Variants in CFAP68 observed in about 807,000 individuals in gnomAD.
The protein encoded by CFAP68 is cilia and flagella associated protein 68.
the CFAP68 span, chr11:111,881,165 C>T: frequency 6.3e-5 from 78 of 1,235,218 alleles, no homozygotes; most frequent in Admixed American, 2.4e-4. Context: ...AAGCCCCAGG[C>T]TTCTGGCTTG....
At chr11:111,880,717 C>T in the CFAP68 span, 1 of 454,614 alleles carries the variant, frequency 2.2e-6, no homozygotes, top group East Asian at 7.0e-5. Context: ...TTCTTTATTC[C>T]TTTACTTTCT....
the CFAP68 span, chr11:111,884,344 C>A: frequency 0.27 from 41,225 of 154,544 alleles, 5,719 homozygotes; most frequent in Admixed American, 0.34. Flanking sequence ...CATGGTGGCT[C>A]ACGCCTGTAA....
chr11:111,881,763 G>C, the CFAP68 span: 2 of 979,814 alleles, frequency 2.0e-6, no homozygotes, highest in Non-Finnish European at 2.9e-6. Context: ...AGAAGGACAG[G>C]GTACAATAAT....
the CFAP68 span, chr11:111,885,363 G>A: frequency 1.3e-5 from 2 of 151,940 alleles, no homozygotes; most frequent in Non-Finnish European, 2.9e-5. Context: ...AAAAGATAAG[G>A]ACTGTCAATT....
chr11:111,880,838 G>A, the CFAP68 span: 1 of 455,900 alleles, frequency 2.2e-6, no homozygotes, highest in South Asian at 1.6e-5. Flanking sequence ...TTGGTTCTCT[G>A]TTCTGTTGTA....
chr11:111,884,300 A>G, the CFAP68 span: 1 of 158,486 alleles, frequency 6.3e-6, no homozygotes, highest in Non-Finnish European at 1.4e-5. Context: ...ATGGTGAAAC[A>G]CTGTCTCTAC....
chr11:111,882,578 C>T, the CFAP68 span: 3 of 1,584,348 alleles, frequency 1.9e-6, no homozygotes, highest in Non-Finnish European at 2.6e-6. Flanking sequence ...TATCGTGCAG[C>T]CCAAACCCTT....
chr11:111,879,693 T>C, the CFAP68 span: 27 of 1,426,754 alleles, frequency 1.9e-5, no homozygotes, highest in African/African-American at 1.3e-4. Flanking sequence ...GGTTACGATA[T>C]GTGGATGAAC....
At chr11:111,885,151 CAA>C in the CFAP68 span, 4 of 100,160 alleles carry the variant, frequency 4.0e-5, no homozygotes, top group Non-Finnish European at 4.1e-5. Context: ...AACTCCGTCT[CAA>C]AAAAAAAAAA....
At chr11:111,885,161 AAAGAAAAG>A in the CFAP68 span, 208 of 150,996 alleles carry the variant, frequency 1.4e-3, no homozygotes, top group African/African-American at 4.8e-3. Flanking sequence ...CAAAAAAAAA[AAAGAAAAG>A]AAAAAGAAAA....
the CFAP68 span, among the ~76,000 whole-genome samples, chr11:111,882,948 G>A: frequency 6.6e-6 from 1 of 152,154 alleles, no homozygotes; most frequent in East Asian, 1.9e-4. Flanking sequence ...TCTGAGTCTT[G>A]CACTTAAATC....
chr11:111,883,827 C>A, the CFAP68 span: 2 of 1,613,610 alleles, frequency 1.2e-6, no homozygotes, highest in Admixed American at 3.3e-5. Context: ...GGATCCTCCC[C>A]GATACAAATG....
the CFAP68 span, chr11:111,879,542 T>C: frequency 6.2e-7 from 1 of 1,609,230 alleles, no homozygotes; most frequent in African/African-American, 1.4e-5. Flanking sequence ...GTTTTGAACC[T>C]TTTTTCACCT....
chr11:111,883,118 G>A, the CFAP68 span: 3 of 1,539,760 alleles, frequency 1.9e-6, no homozygotes, highest in African/African-American at 1.4e-5. Context: ...TTCTTAATCT[G>A]TTAATTTTTC....
the CFAP68 span, chr11:111,882,237 C>T: frequency 2.8e-6 from 2 of 725,488 alleles, no homozygotes; most frequent in South Asian, 3.9e-5. Flanking sequence ...GAAACAGAAC[C>T]ATAACATAGC....
chr11:111,883,672 C>G, the CFAP68 span: 2 of 795,576 alleles, frequency 2.5e-6, no homozygotes, highest in Non-Finnish European at 4.2e-6. Context: ...ACAGGACTTA[C>G]TGTCTATTCC....
At chr11:111,881,600 CTCT>C in the CFAP68 span, 5 of 1,534,844 alleles carry the variant, frequency 3.3e-6, no homozygotes, top group East Asian at 2.4e-5. Context: ...CATCAAGTTA[CTCT>C]TCTTCAGGAA....
chr11:111,880,771 C>T, the CFAP68 span: 90 of 456,214 alleles, frequency 2.0e-4, no homozygotes, highest in Non-Finnish European at 3.3e-4. Context: ...TGAATTATTT[C>T]TTGTGTCTCT....
the CFAP68 span, chr11:111,882,723 G>A: frequency 3.3e-6 from 3 of 905,364 alleles, no homozygotes; most frequent in Non-Finnish European, 4.9e-6. Context: ...TCAGTGAAGT[G>A]GTTGGGGCAG....
Sources: gnomAD v4.1 joint callset for allele counts (sites outside exome capture counted in the v4.1 genomes callset) on GRCh38, gnomAD v4.1.1 for gene constraint, MANE v1.5 for transcripts, NCBI Gene and HGNC (gene_info 2026-07-23, HGNC 2026-07-21) for gene names.